Variants in TEX2 observed in about 807,000 individuals in gnomAD.
The protein encoded by TEX2 is testis-expressed protein 2.
Under a neutral mutation model 106.9 loss-of-function variants are expected in TEX2, and 53 were observed. The ratio of observed to expected loss-of-function variants is 0.50; its 90% CI spans 0.40 to 0.62. TEX2 has a LOEUF of 0.62. TEX2 is among the 20% of genes least tolerant of loss of function. The pLI, the probability that TEX2 is intolerant of heterozygous loss-of-function variation, is 0.00. For synonymous variants in TEX2, 523 were observed against 534.8 expected, an observed-to-expected ratio of 0.98 and a Z score of 0.30; for missense variants, 1,207 against 1,379.0, an observed-to-expected ratio of 0.88 and a Z score of 1.98.
chr17:64,219,931 G>A (rs1451438567), intron 1 of TEX2, among the ~76,000 whole-genome samples: 1 of 152,184 alleles, frequency 6.6e-6, no homozygotes, highest in Non-Finnish European at 1.5e-5. Flanking sequence ...AGATATGATT[G>A]AGATGGAAAG....
At chr17:64,184,379 G>A (rs529919866) in intron 5 of TEX2, among the ~76,000 whole-genome samples, 3 of 152,118 alleles carry the variant, frequency 2.0e-5, no homozygotes, top group Non-Finnish European at 4.4e-5. Context: ...TCAGATTATA[G>A]GCGTGAGCCA....
Position 64,161,199 on chromosome 17 carries a change from T to C in TEX2, c.2672-266A>G, listed in dbSNP as rs889047624. 4.6e-5 allele frequency among the ~76,000 whole-genome samples: 7 copies of C among 152,108 alleles called. No homozygotes were observed. The East Asian group carries it at 5.8e-4, about 13-fold the overall frequency. ...GGGGAATTCAGTGCACAAGTCAGCA[T>C]TGGAAGGGTCCCATCCTCTGGCTTC... On this transcript the variant is annotated intron_variant, in intron 7 of 11. Transcript: ENST00000584379.
intron 5 of TEX2, among the ~76,000 whole-genome samples, chr17:64,187,789 T>G (rs1598156247): frequency 6.6e-6 from 1 of 151,578 alleles, no homozygotes; most frequent in South Asian, 2.1e-4. Flanking sequence ...CATGGCTCAC[T>G]CCCCCGTGAC....
In TEX2 at chr17:64,213,218, A is replaced by G. The variant is rs1555631927; in HGVS notation, c.1000T>C (p.Leu334=). The change falls in exon 2 of 12, where the codon TTG becomes CTG. Residue 334 remains leucine, a synonymous_variant. Coordinates refer to ENST00000584379, the MANE Select transcript of TEX2 (RefSeq NM_001288732.2). The surrounding 1 kb of genome is among the most constrained non-coding windows in gnomAD (Gnocchi z 4.4). The part of the protein sequence containing the change: ...SASELSNLSS[L]NGHLESNNNY... ...TTATTGCTTTCCAAGTGCCCATTCA[A>G]GCTGGACAGATTGGAGAGTTCTGAA... The G allele has an allele frequency of 1.2e-6, 2 of 1,614,166 alleles. No homozygotes were observed. Among genetic ancestry groups the G allele is most frequent in the Admixed American group, 3.3e-5 (2 of 60,022 alleles).
chr17:64,204,816 T>C (rs7224985), intron 2 of TEX2, among the ~76,000 whole-genome samples: 4,907 of 152,242 alleles, frequency 0.032, 266 homozygotes, highest in African/African-American at 0.11. Flanking sequence ...ATTTTCAGGA[T>C]GCTAAAAACT....
At chr17:64,158,949 C>T (rs949252604) in intron 8 of TEX2, among the ~76,000 whole-genome samples, 3 of 152,078 alleles carry the variant, frequency 2.0e-5, no homozygotes, top group Non-Finnish European at 4.4e-5. Context: ...ACAGACTGTT[C>T]TAGAAAAAAA....
At chr17:64,201,753 T>G (rs573844740) in intron 2 of TEX2, among the ~76,000 whole-genome samples, 1 of 152,286 alleles carries the variant, frequency 6.6e-6, no homozygotes, top group East Asian at 1.9e-4. Flanking sequence ...TCTCTGGTAC[T>G]CTCCCATCAC....
chr17:64,213,483 G>C lies in TEX2; in HGVS notation c.735C>G (p.His245Gln). Residue 245 changes from histidine to glutamine, a missense_variant, in exon 2 of 12, where the codon CAC becomes CAG. By Grantham distance (24) the His-to-Gln change is conservative. Coordinates refer to ENST00000584379, the MANE Select transcript of TEX2 (RefSeq NM_001288732.2). This position sits in a 1 kb window ranked among gnomAD's most constrained non-coding sequence, Gnocchi z 4.4. Reference sequence around the variant, plus strand: ...GGGGCTGTGTGAACTGCTTGAACAGGTGTAAGTTCAGTTTGGAATCAGGTG... The same window carrying C: ...GGGGCTGTGTGAACTGCTTGAACAGCTGTAAGTTCAGTTTGGAATCAGGTG... ...YKPPDSKLNL[H>Q]LFKQFTQPRN... 1 of 1,614,192 alleles carries C rather than the reference G, an allele frequency of 6.2e-7. No homozygotes were observed. The highest frequency in any genetic ancestry group is 8.5e-7 in the Non-Finnish European group (1 of 1,180,032).
chr17:64,221,479 A>G (rs540593241), intron 1 of TEX2, among the ~76,000 whole-genome samples: 2 of 152,364 alleles, frequency 1.3e-5, no homozygotes, highest in African/African-American at 4.8e-5. Flanking sequence ...GGAAAATGCA[A>G]TTAAAACCGC....
chr17:64,242,391 T>C (rs926358507), intron 1 of TEX2: 2 of 152,214 alleles, frequency 1.3e-5, no homozygotes, highest in African/African-American at 2.4e-5. Context: ...GGAAAATACA[T>C]TTCTTTTAGG....
At chr17:64,187,788 C>T (rs1401653252) in intron 5 of TEX2, among the ~76,000 whole-genome samples, 2 of 152,188 alleles carry the variant, frequency 1.3e-5, no homozygotes, top group East Asian at 3.9e-4. Context: ...CCATGGCTCA[C>T]TCCCCCGTGA....
rs2030322881 is a variant in TEX2, at chr17:64,150,962, CT to C, written c.3141-2del. Reference sequence around the variant, plus strand: ...ATGTGGTGGCTTTCGGAAACCATACCTTTTTGAAGACAAGTAATAACCACAT... The same window carrying C: ...ATGTGGTGGCTTTCGGAAACCATACCTTTTGAAGACAAGTAATAACCACAT... On this transcript the variant is annotated splice_acceptor_variant, in intron 10 of 11. Transcript: ENST00000584379. LOFTEE classifies it high-confidence loss of function. The C allele has an allele frequency of 2.5e-6, 4 of 1,613,160 alleles. No homozygotes were observed. Among genetic ancestry groups the C allele is most frequent in the African/African-American group, 2.7e-5 (2 of 74,872 alleles).
At chr17:64,157,229 G>A (rs1442246045) in intron 8 of TEX2, among the ~76,000 whole-genome samples, 1 of 152,148 alleles carries the variant, frequency 6.6e-6, no homozygotes, top group Non-Finnish European at 1.5e-5. Flanking sequence ...AAGACGTGCT[G>A]GAATGTAATT....
chr17:64,172,266 T>C (rs984090914), intron 6 of TEX2, among the ~76,000 whole-genome samples: 2 of 151,428 alleles, frequency 1.3e-5, no homozygotes, highest in Non-Finnish European at 1.5e-5. Context: ...GGCAGGAGAA[T>C]TGCTTGAACC....
intron 8 of TEX2, among the ~76,000 whole-genome samples, chr17:64,158,573 C>A (rs1382606056): frequency 6.6e-6 from 1 of 152,220 alleles, no homozygotes; most frequent in Non-Finnish European, 1.5e-5. Flanking sequence ...CCTGTCCCTC[C>A]TCTGCTACTA....
intron 1 of TEX2, among the ~76,000 whole-genome samples, chr17:64,244,050 G>A (rs150165380): frequency 1.9e-3 from 293 of 152,026 alleles, no homozygotes; most frequent in African/African-American, 6.8e-3. Context: ...CTCGTGATCC[G>A]CCCGCCTCGG....
chr17:64,177,675 C>T (rs1285044490), intron 5 of TEX2, among the ~76,000 whole-genome samples: 1 of 152,174 alleles, frequency 6.6e-6, no homozygotes, highest in East Asian at 1.9e-4. Flanking sequence ...CAGCTAAAAC[C>T]TTCTCTTTGT....
intron 5 of TEX2, among the ~76,000 whole-genome samples, chr17:64,186,821 G>GACAC (rs2032093105): frequency 3.4e-5 from 5 of 149,084 alleles, no homozygotes; most frequent in Admixed American, 2.0e-4. Context: ...GCGAGACCTT[G>GACAC]TCTCAAAAAA....
intron 1 of TEX2, among the ~76,000 whole-genome samples, chr17:64,252,350 T>A (rs998613280): frequency 6.6e-6 from 1 of 152,158 alleles, no homozygotes; most frequent in Non-Finnish European, 1.5e-5. Context: ...TTTTGAGGTG[T>A]CACCCAGGCT....
Sources: allele counts gnomAD v4.1 joint callset (sites outside exome capture counted in the v4.1 genomes callset), GRCh38; gene constraint gnomAD v4.1.1; non-coding constraint Gnocchi (gnomAD v3.1); transcripts MANE v1.5; gene names NCBI Gene and HGNC (gene_info 2026-07-23, HGNC 2026-07-21).